Variants in GNA15 observed in about 807,000 individuals in gnomAD.
The protein encoded by GNA15 is G protein subunit alpha 15.
GNA15 carries 23 observed loss-of-function variants against 40.1 expected under a neutral mutation model. The observed-to-expected ratio is 0.57, with a 90% CI of 0.41 to 0.81. GNA15 has a LOEUF of 0.81. Among genes scored for constraint, GNA15 ranks in the 40% least tolerant of loss-of-function variants. The pLI is 0.00. For synonymous variants in GNA15, 226 were observed against 210.4 expected (o/e 1.07, Z -0.64); for missense variants, 522 against 515.8 (o/e 1.01, Z -0.12).
chr19:3,154,162 G>GGGATGGAT (rs148392439), intron 4 of GNA15, among the ~76,000 whole-genome samples: 10 of 138,208 alleles, frequency 7.2e-5, no homozygotes, highest in African/African-American at 1.4e-4. Context: ...ATGGATGGGT[G>GGGATGGAT]GGATGGATGG....
Position 3,148,600 on chromosome 19 carries a change from A to C in GNA15, c.155A>C (p.Glu52Ala), listed in dbSNP as rs772875677. 6.3e-7 allele frequency: 1 copy of C among 1,578,010 alleles called. No homozygotes were observed. The highest frequency in any genetic ancestry group is 1.8e-5 in the Admixed American group (1 of 55,256). ...GCTGCTCCATCCCCAGGCCCAGGCG[A>C]GAGCGGGAAGAGCACCTTCATCAAG... Reference protein sequence around the residue: ...ELKLLLLGPGESGKSTFIKQM... With the variant: ...ELKLLLLGPGASGKSTFIKQM... The change falls in exon 2 of 7, where the codon GAG becomes GCG. Residue 52 changes from glutamate (E) to alanine (A), a missense_variant. Glu to Ala is a moderately radical substitution (Grantham distance 107, BLOSUM62 -1). Transcript: ENST00000262958.
At chr19:3,147,021 G>A (rs551934278) in intron 1 of GNA15, among the ~76,000 whole-genome samples, 1 of 152,108 alleles carries the variant, frequency 6.6e-6, no homozygotes, top group African/African-American at 2.4e-5. Context: ...ACTGTCACCT[G>A]GTGTGCCCTC....
Position 3,151,570 on chromosome 19 carries a change from C to A in GNA15, c.486-137C>A. 2 of 999,406 alleles carry A rather than the reference C, an allele frequency of 2.0e-6. No individual in the cohort carries two copies. The highest frequency in any genetic ancestry group is 1.4e-6 in the Non-Finnish European group (1 of 702,818). 61.9% of individuals were successfully genotyped at this position (999,406 alleles called of 1,614,324 possible). A position where few individuals can be genotyped will look rare whatever the true frequency, so the allele number is the denominator to read the frequency against. The stretch of plus-strand genomic sequence containing the variant: ...CAGGTGGGGGACGCTCCTGGGCCAT[C>A]TGCCAACTCCAGGGACCCCACCTCC... On this transcript the variant is annotated intron_variant, in intron 3 of 6. Coordinates refer to ENST00000262958, the MANE Select transcript of GNA15 (RefSeq NM_002068.4). The surrounding 1 kb of genome is among the most constrained non-coding windows in gnomAD (Gnocchi z 5.0).
rs1275247896 is a variant in GNA15 at position 3,157,843 on chromosome 19, C to T, written c.860C>T (p.Pro287Leu). 2 of 1,613,208 alleles carry T rather than the reference C, an allele frequency of 1.2e-6. No homozygotes were observed. The highest frequency in any genetic ancestry group is 1.7e-6 in the Non-Finnish European group (2 of 1,179,260). The change falls in exon 6 of 7, where the codon CCC becomes CTC. Residue 287 changes from proline (P) to leucine (L), a missense_variant. Physicochemically the swap from Pro to Leu is moderately conservative, Grantham distance 98. Coordinates refer to ENST00000262958, the MANE Select transcript of GNA15 (RefSeq NM_002068.4). ...ACCGACATCCTGGAGGAGAAAATCCCCACCTCCCACCTGGCTACCTATTTC... is the reference window on the plus strand; with the variant it reads ...ACCGACATCCTGGAGGAGAAAATCCTCACCTCCCACCTGGCTACCTATTTC... ...NKTDILEEKI[P>L]TSHLATYFPS...
intron 5 of GNA15, among the ~76,000 whole-genome samples, chr19:3,156,584 C>T (rs1186568704): frequency 6.6e-6 from 1 of 152,196 alleles, no homozygotes; most frequent in Non-Finnish European, 1.5e-5. Flanking sequence ...ACTCCGCCTC[C>T]CGGGTTCACA....
At chr19:3,152,104 G>A (rs1295982986) in intron 4 of GNA15, among the ~76,000 whole-genome samples, 1 of 152,152 alleles carries the variant, frequency 6.6e-6, no homozygotes, top group Non-Finnish European at 1.5e-5. Flanking sequence ...TTTGAAAGAC[G>A]AATAGGAGTT....
chr19:3,163,125 C>G lies in GNA15; in HGVS notation c.*106C>G. The G allele has an allele frequency of 1.4e-6, 1 of 731,388 alleles. No individual in the cohort carries two copies. Among genetic ancestry groups the G allele is most frequent in the Non-Finnish European group, 2.4e-6 (1 of 424,388 alleles). The allele number at this position is 731,388 out of a possible 1,614,324, so 45.3% of individuals were successfully genotyped here. The stretch of plus-strand genomic sequence containing the variant: ...TCTATCTCTCCAGCCTCGGCCCACA[C>G]GCAAGGGAGTCGGGGGACGGACGGC... On this transcript the variant is annotated 3_prime_UTR_variant, in exon 7 of 7. Transcript: ENST00000262958.
chr19:3,156,200 ACACTACAG>A (rs1169785648), intron 5 of GNA15, among the ~76,000 whole-genome samples: 1 of 145,096 alleles, frequency 6.9e-6, no homozygotes, highest in Non-Finnish European at 1.5e-5. Context: ...ACACACACAC[ACACTACAG>A]TGCACACACG....
rs1474419176 is a variant in GNA15 at position 3,157,817 on chromosome 19, A to T, written c.834A>T (p.Lys278Asn). Residue 278 changes from lysine (K) to asparagine (N), a missense_variant, in exon 6 of 7, where the codon AAA becomes AAT. Coordinates refer to ENST00000262958, the MANE Select transcript of GNA15 (RefSeq NM_002068.4). Reference protein sequence around the residue: ...KSTSVILFLNKTDILEEKIPT... With the variant: ...KSTSVILFLNNTDILEEKIPT... ...CATCCGTCATCCTCTTTCTCAACAA[A>T]ACCGACATCCTGGAGGAGAAAATCC... 3.1e-6 allele frequency: 5 copies of T among 1,613,590 alleles called. No individual in the cohort carries two copies. The highest frequency in any genetic ancestry group is 1.3e-5 in the African/African-American group (1 of 74,882).
chr19:3,157,636 C>T, intron 5 of GNA15, 92 bp from the exon 6 acceptor site: 3 of 1,142,606 alleles, frequency 2.6e-6, no homozygotes, highest in Admixed American at 3.6e-5. Flanking sequence ...GAGCCCATGC[C>T]CCTGGAGCCA....
chr19:3,145,189 A>C (rs1438508034), intron 1 of GNA15, among the ~76,000 whole-genome samples: 1 of 141,158 alleles, frequency 7.1e-6, no homozygotes, highest in African/African-American at 2.7e-5. Context: ...TTTTTTTTTG[A>C]GACAAGGTCT....
intron 6 of GNA15, among the ~76,000 whole-genome samples, chr19:3,162,388 G>GAAAAAA (rs34612768): frequency 1.3e-5 from 2 of 148,226 alleles, no homozygotes; most frequent in African/African-American, 2.5e-5. Context: ...CCCATCTCAA[G>GAAAAAA]AAAAAAAAAA....
At chr19:3,148,467 C>T (rs1053620622) in intron 1 of GNA15, 124 bp from the exon 2 acceptor site, 16 of 892,236 alleles carry the variant, frequency 1.8e-5, no homozygotes, top group African/African-American at 3.5e-5. Context: ...AGTGAGGTCC[C>T]GGCTGCACCG....
chr19:3,150,278 G>A lies in GNA15; in HGVS notation c.478G>A (p.Ala160Thr). Residue 160 changes from alanine to threonine, a missense_variant, in exon 3 of 7, where the codon GCC becomes ACC. Coordinates refer to ENST00000262958, the MANE Select transcript of GNA15 (RefSeq NM_002068.4). Reference sequence around the variant, plus strand: ...GCGGGAATTCCACCTGCTCGATTCAGCCGTGTAGTGAGTCTGGGGTCTGCG... The same window carrying A: ...GCGGGAATTCCACCTGCTCGATTCAACCGTGTAGTGAGTCTGGGGTCTGCG... The part of the protein sequence containing the change: ...RRREFHLLDS[A>T]VYYLSHLERI... 1 of 1,587,568 alleles carries A rather than the reference G, an allele frequency of 6.3e-7. No individual in the cohort carries two copies. Among genetic ancestry groups the A allele is most frequent in the Non-Finnish European group, 8.6e-7 (1 of 1,166,596 alleles).
At chr19:3,142,363 C>T (rs561068495) in intron 1 of GNA15, 1 of 152,184 alleles carries the variant, frequency 6.6e-6, no homozygotes, top group South Asian at 2.1e-4. Context: ...CTTCAGGCTT[C>T]GGGTGATGAC....
At chr19:3,145,359 A>ATATATATTTT in intron 1 of GNA15, among the ~76,000 whole-genome samples, 28 of 46,968 alleles carry the variant, frequency 6.0e-4, no homozygotes, top group African/African-American at 1.7e-3. Flanking sequence ...ATATATATAT[A>ATATATATTTT]TTTTTTTTTT....
intron 1 of GNA15, among the ~76,000 whole-genome samples, chr19:3,147,819 C>T (rs547277466): frequency 9.8e-5 from 14 of 142,188 alleles, no homozygotes; most frequent in Admixed American, 2.9e-4. Flanking sequence ...ACCCGGGAGA[C>T]GGAGCTTGCA....
intron 1 of GNA15, chr19:3,146,523 C>T (rs1914724851): frequency 6.6e-6 from 1 of 152,076 alleles, no homozygotes; most frequent in African/African-American, 2.4e-5. Flanking sequence ...TCAGCTTGCA[C>T]CCAGCCCCAG....
chr19:3,144,677 C>T (rs914233906), intron 1 of GNA15, among the ~76,000 whole-genome samples: 45 of 151,190 alleles, frequency 3.0e-4, no homozygotes, highest in South Asian at 6.3e-4. Context: ...TACAGGCGCC[C>T]GCCACCATGC....
Sources: gnomAD v4.1 joint callset for allele counts (sites outside exome capture counted in the v4.1 genomes callset) on GRCh38, gnomAD v4.1.1 for gene constraint, Gnocchi (gnomAD v3.1) non-coding constraint, MANE v1.5 for transcripts, NCBI Gene and HGNC (gene_info 2026-07-23, HGNC 2026-07-21) for gene names.